FBN2: variants seen among roughly 807,000 people sequenced by gnomAD.
The protein encoded by FBN2 is fibrillin-2.
A neutral mutation model predicts 355.6 loss-of-function variants in FBN2; 105 were observed. The observed-to-expected ratio is 0.30, with a 90% CI of 0.25 to 0.35. FBN2 has a LOEUF of 0.35. Ranked by LOEUF, FBN2 falls within the 10% of genes least tolerant of loss-of-function variation. The pLI, the probability that FBN2 is intolerant of heterozygous loss-of-function variation, is 1.00. For missense variants in FBN2, 3,280 were observed against 3,758.7 expected (o/e 0.87, Z 3.33); for synonymous variants, 1,350 against 1,301.2 (o/e 1.04, Z -0.81).
chr5:128,310,119 C>T lies in FBN2; in HGVS notation c.5075-11G>A. On this transcript the variant is annotated splice_polypyrimidine_tract_variant and intron_variant, in intron 39 of 64. Coordinates refer to ENST00000262464, the MANE Select transcript of FBN2 (RefSeq NM_001999.4). ...AACACTCATCAATATCTAGAGTAGG[C>T]AAGAATATCTATTAATTAATAAATC... is the stretch of plus-strand genomic sequence containing the variant. 1.2e-6 allele frequency: 2 copies of T among 1,603,268 alleles called. No individual in the cohort carries two copies. Among genetic ancestry groups the T allele is most frequent in the East Asian group, 2.2e-5 (1 of 44,784 alleles).
intron 5 of FBN2, among the ~76,000 whole-genome samples, chr5:128,470,806 T>C (rs1043570441): frequency 6.6e-6 from 1 of 152,138 alleles, no homozygotes; most frequent in Non-Finnish European, 1.5e-5. Flanking sequence ...TGACTGTCAG[T>C]GGAATGCAGT....
At chr5:128,270,433 G>C (rs571267866) in intron 62 of FBN2, among the ~76,000 whole-genome samples, 20 of 152,156 alleles carry the variant, frequency 1.3e-4, no homozygotes, top group South Asian at 4.1e-4. Flanking sequence ...GGAGGCTGAG[G>C]CAGGAAAATC....
intron 5 of FBN2, among the ~76,000 whole-genome samples, chr5:128,468,256 G>C (rs1754767005): frequency 6.6e-6 from 1 of 152,110 alleles, no homozygotes. Flanking sequence ...CCATACAGTA[G>C]CATGGATCAA....
chr5:128,485,193 T>C (rs1755304448), intron 5 of FBN2, among the ~76,000 whole-genome samples: 1 of 151,936 alleles, frequency 6.6e-6, no homozygotes, highest in South Asian at 2.1e-4. Context: ...ACAGCTAATT[T>C]TTTATTTTTT....
chr5:128,326,939 C>A (rs1052861725), intron 34 of FBN2, among the ~76,000 whole-genome samples: 1 of 152,150 alleles, frequency 6.6e-6, no homozygotes, highest in Non-Finnish European at 1.5e-5. Flanking sequence ...TAAAGTAATA[C>A]ACAATTAGGA....
chr5:128,393,214 A>G lies in FBN2; in HGVS notation c.1386T>C (p.Pro462=), dbSNP rs778468050. ...CGCCAGGAGAAAAGCCATTGCCTCC[A>G]GGGATGGGGATGAAGCCTGTCCCTC... ...GPGGTGFIPI[P]GGNGFSPGVG... is the part of the protein sequence containing the mutation. The change falls in exon 10 of 65, where the codon CCT becomes CCC. Residue 462 remains proline (P), a synonymous_variant. Transcript: ENST00000262464. 1.2e-6 allele frequency: 2 copies of G among 1,614,184 alleles called. No homozygotes were observed.
At chr5:128,393,038 T>C in intron 10 of FBN2, 97 bp downstream of exon 10, 1 of 976,560 alleles carries the variant, frequency 1.0e-6, no homozygotes, top group East Asian at 2.4e-5. Context: ...TGCAAGTGTG[T>C]TCATACAACC....
intron 5 of FBN2, among the ~76,000 whole-genome samples, chr5:128,510,796 T>C (rs887347647): frequency 5.3e-5 from 8 of 152,304 alleles, no homozygotes; most frequent in Non-Finnish European, 1.0e-4. Flanking sequence ...TCAGTACTCA[T>C]ATTGAACTGA....
chr5:128,360,270 A>G (rs959010632), intron 19 of FBN2, among the ~76,000 whole-genome samples: 4 of 152,138 alleles, frequency 2.6e-5, no homozygotes, highest in Admixed American at 2.6e-4. Flanking sequence ...GCATTTCTGA[A>G]GAATTGGTGT....
chr5:128,360,073 A>T (rs1288570903), intron 19 of FBN2, among the ~76,000 whole-genome samples: 1 of 152,110 alleles, frequency 6.6e-6, no homozygotes, highest in Non-Finnish European at 1.5e-5. Flanking sequence ...TTGCTTTCTA[A>T]GTTTCCTGAG....
At chr5:128,286,007 C>T (rs2126815992) in intron 55 of FBN2, among the ~76,000 whole-genome samples, 1 of 152,282 alleles carries the variant, frequency 6.6e-6, no homozygotes, top group African/African-American at 2.4e-5. Context: ...GATTTCCTTT[C>T]TTCCATACAT....
chr5:128,456,814 G>A (rs190857961), intron 6 of FBN2, among the ~76,000 whole-genome samples: 4 of 152,218 alleles, frequency 2.6e-5, no homozygotes, highest in Non-Finnish European at 4.4e-5. Flanking sequence ...CAGCTGCAAA[G>A]ACAGAAACTA....
rs1183024394 is a variant in FBN2, at chr5:128,495,594, G to A, written c.628+23679C>T. Among the ~76,000 whole-genome samples, 8 of 152,036 alleles carry A rather than the reference G, an allele frequency of 5.3e-5. 1 individual carries two copies. In the South Asian group the frequency reaches 1.2e-3, roughly 24 times the overall value. ...TAAGGATAAAAAGCCTTAAGACTCT[G>A]GAAAAAGTGCTAACTTGACCTAATG... On this transcript the variant is annotated intron_variant, in intron 5 of 64. Coordinates refer to ENST00000262464, the MANE Select transcript of FBN2 (RefSeq NM_001999.4).
In FBN2 at chr5:128,332,986, G is replaced by A. The variant is rs781553811; in HGVS notation, c.4148C>T (p.Ser1383Leu). ...GAAGCTTCCTGGGATATTCAGACAT[G>A]AGGCATGCATGTCGCAGTTATGAGC... ...IGAHNCDMHA[S>L]CLNIPGSFKC... The change falls in exon 32 of 65, where the codon TCA becomes TTA. Residue 1383 changes from serine to leucine, a missense_variant. By Grantham distance (145) the Ser-to-Leu change is moderately radical. Transcript: ENST00000262464. The A allele has an allele frequency of 1.2e-6, 2 of 1,612,996 alleles. No homozygotes were observed. Among genetic ancestry groups the A allele is most frequent in the South Asian group, 1.1e-5 (1 of 91,050 alleles).
At chr5:128,438,811 T>C (rs1256899745) in intron 7 of FBN2, among the ~76,000 whole-genome samples, 5 of 152,162 alleles carry the variant, frequency 3.3e-5, no homozygotes, top group African/African-American at 7.2e-5. Flanking sequence ...GAATAAGTAA[T>C]ACATTTACAT....
At chr5:128,524,649 T>C (rs1023070551) in intron 4 of FBN2, among the ~76,000 whole-genome samples, 1 of 152,150 alleles carries the variant, frequency 6.6e-6, no homozygotes, top group Non-Finnish European at 1.5e-5. Flanking sequence ...ATCTGCTTCT[T>C]TGCTCTCAGT....
At chr5:128,279,253 CA>C (rs1293708011) in intron 56 of FBN2, among the ~76,000 whole-genome samples, 1 of 152,078 alleles carries the variant, frequency 6.6e-6, no homozygotes, top group Non-Finnish European at 1.5e-5. Context: ...TCTGATATCT[CA>C]TATTTTCTAC....
chr5:128,487,289 T>C (rs1313929258), intron 5 of FBN2, among the ~76,000 whole-genome samples: 2 of 152,212 alleles, frequency 1.3e-5, no homozygotes, highest in Non-Finnish European at 2.9e-5. Flanking sequence ...CAACTTACAC[T>C]GGACACTTAG....
Position 128,261,805 on chromosome 5 carries a change from G to A in FBN2, c.8295C>T (p.Cys2765=). 6.2e-7 allele frequency: 1 copy of A among 1,614,152 alleles called. No individual in the cohort carries two copies. The highest frequency in any genetic ancestry group is 8.5e-7 in the Non-Finnish European group (1 of 1,179,976). Residue 2765 remains cysteine (C), a synonymous_variant, in exon 64 of 65, where the codon TGC becomes TGT. Transcript: ENST00000262464. Reference sequence around the variant, plus strand: ...CTTTCTTAGAATAGCCGTTGATTTTGCACTCGTAGCATGCTTCTGGGGACA... The same window carrying A: ...CTTTCTTAGAATAGCCGTTGATTTTACACTCGTAGCATGCTTCTGGGGACA... ...NALSPEACYE[C]KINGYSKKDS...
Sources: allele counts gnomAD v4.1 joint callset (sites outside exome capture counted in the v4.1 genomes callset), GRCh38; gene constraint gnomAD v4.1.1; transcripts MANE v1.5; gene names NCBI Gene and HGNC (gene_info 2026-07-23, HGNC 2026-07-21).